The following AGBL1 variants were observed in gnomAD, a reference collection of about 807,000 sequenced individuals.
The protein encoded by AGBL1 is AGBL carboxypeptidase 1, also known as cytosolic carboxypeptidase 4.
AGBL1 carries 130 observed loss-of-function variants against 118.9 expected under a neutral mutation model. That is an observed-to-expected ratio of 1.09 (90% CI 0.95 to 1.26). The LOEUF is 1.26. Among genes scored for constraint, AGBL1 ranks in the 50% most tolerant of loss-of-function variants. The probability of loss-of-function intolerance (pLI) is 0.00; values close to 1 mark genes in which losing one functional copy is unlikely to be tolerated. For synonymous variants in AGBL1, 555 were observed against 478.9 expected, an observed-to-expected ratio of 1.16 and a Z score of -2.08; for missense variants, 1,584 against 1,298.1, an observed-to-expected ratio of 1.22 and a Z score of -3.38.
At chr15:86,813,482 G>A (rs536818638) in intron 22 of AGBL1, among the ~76,000 whole-genome samples, 9 of 152,150 alleles carry the variant, frequency 5.9e-5, no homozygotes, top group Non-Finnish European at 8.8e-5. Flanking sequence ...GATTTCTGGA[G>A]CATTCTTTTC....
intron 22 of AGBL1, among the ~76,000 whole-genome samples, chr15:86,750,678 G>T (rs2077836107): frequency 6.6e-6 from 1 of 152,086 alleles, no homozygotes; most frequent in South Asian, 2.1e-4. Flanking sequence ...TACAAGTGCA[G>T]GTTTGTTGTG....
At chr15:86,195,782 C>A (rs777737250) in intron 5 of AGBL1, among the ~76,000 whole-genome samples, 31 of 152,286 alleles carry the variant, frequency 2.0e-4, no homozygotes, top group Non-Finnish European at 3.2e-4. Flanking sequence ...ACTGGCTATG[C>A]AAGATTTTAA....
At chr15:86,695,390 C>T (rs943044708) in intron 22 of AGBL1, among the ~76,000 whole-genome samples, 5 of 151,996 alleles carry the variant, frequency 3.3e-5, no homozygotes, top group South Asian at 2.1e-4. Context: ...CAAAGGTGTT[C>T]GTAGTAGCCC....
At chr15:86,526,583 GTA>G (rs1377296403) in intron 19 of AGBL1, among the ~76,000 whole-genome samples, 2 of 131,582 alleles carry the variant, frequency 1.5e-5, no homozygotes, top group African/African-American at 6.1e-5. Flanking sequence ...TACACACAGA[GTA>G]TATATATGTA....
intron 21 of AGBL1, among the ~76,000 whole-genome samples, chr15:86,642,439 C>G (rs1166969370): frequency 6.6e-6 from 1 of 151,952 alleles, no homozygotes; most frequent in Non-Finnish European, 1.5e-5. Context: ...ATTACATTAT[C>G]ATTTTTTTTC....
chr15:86,547,455 C>T (rs532925015), intron 20 of AGBL1, among the ~76,000 whole-genome samples: 5 of 152,122 alleles, frequency 3.3e-5, no homozygotes, highest in South Asian at 2.1e-4. Flanking sequence ...GTCTCCTGTA[C>T]GAAGCTGACA....
intron 22 of AGBL1, among the ~76,000 whole-genome samples, chr15:86,763,489 G>T (rs1200493200): frequency 6.6e-6 from 1 of 152,012 alleles, no homozygotes; most frequent in East Asian, 1.9e-4. Flanking sequence ...TGGGGAGATA[G>T]ATGATGGGGC....
chr15:86,334,729 C>T (rs1284214793), intron 17 of AGBL1, among the ~76,000 whole-genome samples: 1 of 151,780 alleles, frequency 6.6e-6, no homozygotes, highest in Non-Finnish European at 1.5e-5. Flanking sequence ...AAAGAACAAA[C>T]CTGGAGGTAT....
intron 18 of AGBL1, 104 bp from the exon 19 acceptor site, chr15:86,522,706 A>G: frequency 7.2e-7 from 1 of 1,381,250 alleles, no homozygotes; most frequent in Non-Finnish European, 9.7e-7. Context: ...AATCAGAGGA[A>G]AGTTTTGAAG....
intron 21 of AGBL1, among the ~76,000 whole-genome samples, chr15:86,592,518 T>C (rs927884622): frequency 1.3e-5 from 2 of 152,220 alleles, no homozygotes; most frequent in African/African-American, 4.8e-5. Context: ...GATTTTTCCC[T>C]TGGGGTGCAC....
intron 5 of AGBL1, among the ~76,000 whole-genome samples, chr15:86,219,382 G>T (rs1443164902): frequency 6.6e-6 from 1 of 152,086 alleles, no homozygotes; most frequent in Non-Finnish European, 1.5e-5. Context: ...GCTCTAGTAA[G>T]CTTTTTAACG....
At position 86,290,381 on chromosome 15, in the gene AGBL1, C is replaced by T. The variant is rs1457042065; in HGVS notation, c.2221-4874C>T. Among the ~76,000 whole-genome samples the T allele has an allele frequency of 3.3e-4, 48 of 144,020 alleles. 1 individual carries two copies. Among genetic ancestry groups the T allele is most frequent in the African/African-American group, 9.7e-4 (38 of 39,200 alleles). The allele number at this position is 144,020 out of a possible 152,430, so 94.5% of individuals were successfully genotyped here. ...TTTTTCTATTTTTAAGACAGGGTCT[C>T]GCTCTGTCACCCAGGATGGAGTGCA... On this transcript the variant is annotated intron_variant, in intron 16 of 22. Transcript: ENST00000614907.
At chr15:86,216,560 T>A (rs369948355) in intron 5 of AGBL1, among the ~76,000 whole-genome samples, 2 of 152,202 alleles carry the variant, frequency 1.3e-5, no homozygotes, top group African/African-American at 2.4e-5. Context: ...GGTGGGTTAC[T>A]ACATTGACTG....
intron 17 of AGBL1, among the ~76,000 whole-genome samples, chr15:86,364,953 T>TCACA (rs200208327): frequency 0.15 from 8,129 of 55,760 alleles, 615 homozygotes; most frequent in Non-Finnish European, 0.2. Context: ...GATTTATATG[T>TCACA]CACACATATA....
chr15:86,874,059 C>T (rs1289987783), intron 22 of AGBL1, among the ~76,000 whole-genome samples: 1 of 152,050 alleles, frequency 6.6e-6, no homozygotes, highest in East Asian at 1.9e-4. Context: ...CCATAACCAC[C>T]TGACACATAT....
intron 18 of AGBL1, among the ~76,000 whole-genome samples, chr15:86,518,581 C>A (rs2083150178): frequency 6.6e-6 from 1 of 151,944 alleles, no homozygotes; most frequent in Non-Finnish European, 1.5e-5. Flanking sequence ...AGATATGCCC[C>A]ACAAAAACCT....
chr15:86,411,517 C>CT (rs2081620722), intron 18 of AGBL1, among the ~76,000 whole-genome samples: 1 of 152,184 alleles, frequency 6.6e-6, no homozygotes, highest in African/African-American at 2.4e-5. Flanking sequence ...TACAGGTTGT[C>CT]TTTTCCTTGG....
At chr15:86,904,384 T>G (rs1297414849) in intron 22 of AGBL1, among the ~76,000 whole-genome samples, 1 of 150,668 alleles carries the variant, frequency 6.6e-6, no homozygotes, top group South Asian at 2.1e-4. Context: ...TGAAGGAAAT[T>G]AGGAAGAGGA....
At chr15:86,503,289 C>T (rs1192199655) in intron 18 of AGBL1, among the ~76,000 whole-genome samples, 1 of 151,218 alleles carries the variant, frequency 6.6e-6, no homozygotes, top group Non-Finnish European at 1.5e-5. Context: ...GTAATGTTCC[C>T]TCTGTCATTT....
Sources: allele counts gnomAD v4.1 joint callset (sites outside exome capture counted in the v4.1 genomes callset), GRCh38; gene constraint gnomAD v4.1.1; transcripts MANE v1.5; gene names NCBI Gene and HGNC (gene_info 2026-07-23, HGNC 2026-07-21).